KIAA1217: variants seen among roughly 807,000 people sequenced by gnomAD.
KIAA1217 encodes the protein KIAA1217, also known as sickle tail protein homolog.
A neutral mutation model predicts 163.9 loss-of-function variants in KIAA1217; 88 were observed. The ratio of observed to expected loss-of-function variants is 0.54; its 90% confidence interval spans 0.45 to 0.64. The LOEUF is 0.64. KIAA1217 is among the 30% of genes least tolerant of loss of function. The pLI is 0.00. For synonymous variants in KIAA1217, 903 were observed against 923.1 expected (o/e 0.98, Z 0.39); for missense variants, 2,372 against 2,475.0 (o/e 0.96, Z 0.88).
At chr10:23,881,779 G>T (rs768320976) in intron 1 of KIAA1217, among the ~76,000 whole-genome samples, 1 of 151,936 alleles carries the variant, frequency 6.6e-6, no homozygotes, top group Non-Finnish European at 1.5e-5. Context: ...TGGATGAGGA[G>T]TAGCAGCTTC....
intron 2 of KIAA1217, among the ~76,000 whole-genome samples, chr10:24,084,167 G>A (rs974228088): frequency 6.6e-6 from 1 of 152,194 alleles, no homozygotes; most frequent in Non-Finnish European, 1.5e-5. Context: ...CAGAATGCTT[G>A]CTACCCCAGC....
chr10:23,934,619 A>ATT (rs1219984756), intron 1 of KIAA1217, among the ~76,000 whole-genome samples: 5 of 64,672 alleles, frequency 7.7e-5, no homozygotes, highest in African/African-American at 7.4e-4. Context: ...ATATATATAT[A>ATT]TATATATTTT....
intron 2 of KIAA1217, among the ~76,000 whole-genome samples, chr10:24,171,013 A>G (rs2065603554): frequency 6.6e-6 from 1 of 152,222 alleles, no homozygotes; most frequent in African/African-American, 2.4e-5. Context: ...TTTTCTCTAA[A>G]TGGCATCAGC....
intron 1 of KIAA1217, among the ~76,000 whole-genome samples, chr10:23,947,788 A>T (rs1844123392): frequency 6.6e-6 from 1 of 152,204 alleles, no homozygotes; most frequent in Admixed American, 6.5e-5. Flanking sequence ...GTAGGGATAC[A>T]GACAGTAAAC....
chr10:24,312,627 C>CA (rs931164185), intron 2 of KIAA1217, among the ~76,000 whole-genome samples: 11 of 150,358 alleles, frequency 7.3e-5, no homozygotes, highest in Non-Finnish European at 1.2e-4. Flanking sequence ...CAAAACCAAA[C>CA]AAAAAAAAGG....
intron 2 of KIAA1217, among the ~76,000 whole-genome samples, chr10:24,284,697 A>G (rs1211374710): frequency 6.6e-6 from 1 of 152,198 alleles, no homozygotes; most frequent in Non-Finnish European, 1.5e-5. Context: ...GTTGCAATAA[A>G]CATACAAGTG....
chr10:24,340,712 G>C (rs576693898), intron 2 of KIAA1217, among the ~76,000 whole-genome samples: 2 of 152,316 alleles, frequency 1.3e-5, no homozygotes, highest in African/African-American at 4.8e-5. Context: ...TTACTCCTGA[G>C]AGTTTTCTTC....
intron 2 of KIAA1217, among the ~76,000 whole-genome samples, chr10:24,258,065 C>T (rs1311306494): frequency 1.3e-5 from 2 of 152,094 alleles, no homozygotes; most frequent in African/African-American, 2.4e-5. Context: ...CCTATAATCC[C>T]AGCTACTTGG....
chr10:23,767,657 A>T (rs1331001952), intron 1 of KIAA1217, among the ~76,000 whole-genome samples: 1 of 152,086 alleles, frequency 6.6e-6, no homozygotes, highest in African/African-American at 2.4e-5. Flanking sequence ...ATATGGGAGG[A>T]GGAAGAGGCC....
At chr10:24,323,840 A>T (rs2044504434) in intron 2 of KIAA1217, among the ~76,000 whole-genome samples, 1 of 142,288 alleles carries the variant, frequency 7.0e-6, no homozygotes, top group South Asian at 2.2e-4. Flanking sequence ...TGTTTGACTA[A>T]CTTAGGGTGG....
chr10:23,883,417 T>C (rs1485651044), intron 1 of KIAA1217, among the ~76,000 whole-genome samples: 1 of 151,890 alleles, frequency 6.6e-6, no homozygotes, highest in Non-Finnish European at 1.5e-5. Context: ...CACCTCAGAG[T>C]TGGTTGCTGT....
chr10:23,732,116 A>C (rs1838510728), intron 1 of KIAA1217, among the ~76,000 whole-genome samples: 1 of 152,088 alleles, frequency 6.6e-6, no homozygotes, highest in Non-Finnish European at 1.5e-5. Context: ...TGAGTTAGAA[A>C]GTATTCCTTC....
At chr10:24,442,646 G>A (rs967619519) in intron 5 of KIAA1217, among the ~76,000 whole-genome samples, 7 of 152,160 alleles carry the variant, frequency 4.6e-5, no homozygotes, top group Admixed American at 2.0e-4. Flanking sequence ...ATGATAGGGT[G>A]TGTGTGTATG....
chr10:24,344,879 A>G (rs975197796), intron 2 of KIAA1217, among the ~76,000 whole-genome samples: 1 of 152,232 alleles, frequency 6.6e-6, no homozygotes, highest in African/African-American at 2.4e-5. Context: ...AGTTGATACA[A>G]TTAAGAACTG....
intron 2 of KIAA1217, among the ~76,000 whole-genome samples, chr10:24,079,437 T>G (rs767352606): frequency 3.3e-5 from 5 of 152,178 alleles, no homozygotes; most frequent in African/African-American, 4.8e-5. Flanking sequence ...TGTCTCTGTA[T>G]AAGCAGAATG....
chr10:24,456,656 C>T (rs553855372), intron 5 of KIAA1217, among the ~76,000 whole-genome samples: 1 of 152,092 alleles, frequency 6.6e-6, no homozygotes, highest in South Asian at 2.1e-4. Context: ...CCACTGCCTT[C>T]CTTGAGATGA....
chr10:23,763,580 C>T (rs1238546012), intron 1 of KIAA1217, among the ~76,000 whole-genome samples: 1 of 152,176 alleles, frequency 6.6e-6, no homozygotes, highest in Non-Finnish European at 1.5e-5. Flanking sequence ...CTTCCTTACA[C>T]CTTATAGAAA....
chr10:24,539,987 C>G (rs1293544275), intron 17 of KIAA1217, among the ~76,000 whole-genome samples: 2 of 152,166 alleles, frequency 1.3e-5, no homozygotes, highest in Non-Finnish European at 1.5e-5. Context: ...ATTAAAGAGG[C>G]ATAATTACCT....
intron 2 of KIAA1217, among the ~76,000 whole-genome samples, chr10:24,254,330 G>T (rs1312523611): frequency 6.6e-6 from 1 of 152,228 alleles, no homozygotes; most frequent in South Asian, 2.1e-4. Context: ...CAGCCTCAGA[G>T]AAATGCTGGG....
Sources: gnomAD v4.1 joint callset for allele counts (sites outside exome capture counted in the v4.1 genomes callset) on GRCh38, gnomAD v4.1.1 for gene constraint, MANE v1.5 for transcripts, NCBI Gene and HGNC (gene_info 2026-07-23, HGNC 2026-07-21) for gene names.